The following DOCK3 variants were observed in gnomAD, a reference collection of about 807,000 sequenced individuals.
DOCK3 encodes dedicator of cytokinesis protein 3.
In DOCK3, 60 loss-of-function variants were observed where a neutral mutation model predicts 265.6. The ratio of observed to expected loss-of-function variants is 0.23; its 90% CI spans 0.18 to 0.28. The LOEUF (loss-of-function observed/expected upper bound fraction) is 0.28, where lower values mean the gene tolerates loss of function less well. DOCK3 is among the 10% of genes least tolerant of loss of function. DOCK3 has a pLI of 1.00. For missense variants in DOCK3, 1,981 were observed against 2,594.3 expected (o/e 0.76, Z 5.14); for synonymous variants, 881 against 938.0 (o/e 0.94, Z 1.11).
intron 3 of DOCK3, among the ~76,000 whole-genome samples, chr3:50,872,970 C>T (rs973074880): frequency 2.6e-5 from 4 of 152,220 alleles, no homozygotes; most frequent in African/African-American, 9.6e-5. Flanking sequence ...TCCAGAAATG[C>T]AGTCCAAGAG....
chr3:51,276,577 G>A (rs994235352), intron 25 of DOCK3: 4 of 351,260 alleles, frequency 1.1e-5, no homozygotes, highest in African/African-American at 8.9e-5. Context: ...AGATGACTTT[G>A]GTCCCAAGAG....
chr3:50,861,177 G>T (rs1316650280), intron 3 of DOCK3, among the ~76,000 whole-genome samples: 1 of 152,122 alleles, frequency 6.6e-6, no homozygotes, highest in Non-Finnish European at 1.5e-5. Context: ...TCCCAGGTGG[G>T]TCGTTGTCCT....
At chr3:51,114,588 G>A (rs1055556292) in intron 9 of DOCK3, among the ~76,000 whole-genome samples, 2 of 152,206 alleles carry the variant, frequency 1.3e-5, no homozygotes, top group Non-Finnish European at 2.9e-5. Context: ...GGATACCTCT[G>A]TAGAAGTTTG....
chr3:50,730,304 G>T (rs907057894), intron 1 of DOCK3, among the ~76,000 whole-genome samples: 1 of 151,982 alleles, frequency 6.6e-6, no homozygotes, highest in African/African-American at 2.4e-5. Context: ...ACCATGCCCA[G>T]TTAATTTTCT....
At chr3:51,074,224 G>GA (rs1210757466) in intron 6 of DOCK3, among the ~76,000 whole-genome samples, 15 of 152,138 alleles carry the variant, frequency 9.9e-5, no homozygotes, top group Non-Finnish European at 1.6e-4. Flanking sequence ...CCTCTCCTCA[G>GA]AAAAAATTTA....
intron 1 of DOCK3, among the ~76,000 whole-genome samples, chr3:50,728,702 G>T (rs1429994363): frequency 6.8e-6 from 1 of 147,938 alleles, no homozygotes; most frequent in Non-Finnish European, 1.5e-5. Flanking sequence ...CAGAAAACCA[G>T]AGTGATACTA....
chr3:50,816,957 T>A (rs1234714888), intron 2 of DOCK3, among the ~76,000 whole-genome samples: 1 of 152,088 alleles, frequency 6.6e-6, no homozygotes, highest in African/African-American at 2.4e-5. Flanking sequence ...GAATTCAGGG[T>A]AAATCCATAG....
chr3:50,679,783 A>G (rs951556900), intron 1 of DOCK3, among the ~76,000 whole-genome samples: 2 of 152,196 alleles, frequency 1.3e-5, no homozygotes, highest in Non-Finnish European at 2.9e-5. Context: ...AGGTAAAGAC[A>G]TCATCCACTA....
chr3:51,310,454 AG>A (rs2083004979), intron 28 of DOCK3, 128 bp downstream of exon 28: 10 of 811,046 alleles, frequency 1.2e-5, no homozygotes, highest in Middle Eastern at 4.8e-4. Context: ...CAGAGAGGAG[AG>A]GGCAAATGAG....
At position 51,132,238 on chromosome 3, in the gene DOCK3, CTG is replaced by C. The variant is rs1056252888; in HGVS notation, c.747-14307_747-14306del. Among the ~76,000 whole-genome samples the C allele has an allele frequency of 1.4e-4, 22 of 152,326 alleles. 1 individual carries two copies. The highest frequency in any genetic ancestry group is 6.2e-4 in the South Asian group (3 of 4,830). ...TCAATAAATTCAGCCTGACCCAACT[CTG>C]TGTTTCTTCCACCATTGTCCCAGAC... is the stretch of plus-strand genomic sequence containing the variant. On this transcript the variant is annotated intron_variant, in intron 9 of 52. Coordinates refer to ENST00000266037, the MANE Select transcript of DOCK3 (RefSeq NM_004947.5).
chr3:51,158,079 A>G (rs1467342072), intron 10 of DOCK3, among the ~76,000 whole-genome samples: 2 of 152,172 alleles, frequency 1.3e-5, no homozygotes, highest in Non-Finnish European at 2.9e-5. Context: ...CATTAAGGAC[A>G]AAGGTTATTC....
chr3:51,305,350 T>C (rs2082595347), intron 27 of DOCK3, among the ~76,000 whole-genome samples: 1 of 152,224 alleles, frequency 6.6e-6, no homozygotes, highest in African/African-American at 2.4e-5. Context: ...TTAATGTCTA[T>C]ATTGTCTGAT....
At chr3:50,824,415 C>T (rs2044640610) in intron 2 of DOCK3, among the ~76,000 whole-genome samples, 2 of 152,082 alleles carry the variant, frequency 1.3e-5, no homozygotes, top group Admixed American at 1.3e-4. Flanking sequence ...TTGAAGATAG[C>T]CTGTGGTAGG....
chr3:51,277,306 C>T (rs1560336322), intron 25 of DOCK3, among the ~76,000 whole-genome samples: 1 of 152,198 alleles, frequency 6.6e-6, no homozygotes, highest in Non-Finnish European at 1.5e-5. Context: ...ACATTTAACT[C>T]AAGATCTTTG....
At chr3:51,234,772 G>A (rs2078284188) in intron 19 of DOCK3, among the ~76,000 whole-genome samples, 1 of 152,084 alleles carries the variant, frequency 6.6e-6, no homozygotes. Context: ...GGCTTTAGCA[G>A]GCTGACATCA....
chr3:50,979,332 TC>T, intron 5 of DOCK3, among the ~76,000 whole-genome samples: 1 of 152,296 alleles, frequency 6.6e-6, no homozygotes, highest in East Asian at 1.9e-4. Flanking sequence ...CAGATATTTG[TC>T]CCCTCCAAAG....
At chr3:51,294,677 C>CAAAAAAA (rs59339067) in intron 27 of DOCK3, among the ~76,000 whole-genome samples, 2 of 119,864 alleles carry the variant, frequency 1.7e-5, no homozygotes, top group African/African-American at 3.2e-5. Flanking sequence ...GACTCTATCT[C>CAAAAAAA]AAAAAAAAAA....
chr3:51,355,971 G>A, intron 41 of DOCK3, 118 bp from the exon 42 acceptor site: 1 of 1,311,444 alleles, frequency 7.6e-7, no homozygotes, highest in Non-Finnish European at 1.1e-6. Flanking sequence ...CTCCCCTACT[G>A]GGCTGTCAGT....
chr3:50,985,887 G>A (rs545479206), intron 5 of DOCK3, among the ~76,000 whole-genome samples: 100 of 151,732 alleles, frequency 6.6e-4, no homozygotes, highest in Middle Eastern at 3.4e-3. Flanking sequence ...GTCTCTGTAC[G>A]ACAGCCATGT....
Sources: allele counts gnomAD v4.1 joint callset (sites outside exome capture counted in the v4.1 genomes callset), GRCh38; gene constraint gnomAD v4.1.1; transcripts MANE v1.5; gene names NCBI Gene and HGNC (gene_info 2026-07-23, HGNC 2026-07-21).